SYAP1: variants seen among roughly 807,000 people sequenced by gnomAD.
SYAP1 encodes synapse associated protein 1.
A neutral mutation model predicts 29.6 loss-of-function variants in SYAP1; 3 were observed. The ratio of observed to expected loss-of-function variants is 0.10; its 90% confidence interval spans 0.05 to 0.26. The LOEUF (loss-of-function observed/expected upper bound fraction) is 0.26. SYAP1 is among the 10% of genes least tolerant of loss of function. The pLI is 1.00. For synonymous variants in SYAP1, 102 were observed against 102.7 expected (o/e 0.99, Z 0.04); for missense variants, 217 against 264.1 (o/e 0.82, Z 1.24).
intron 1 of SYAP1, among the ~76,000 whole-genome samples, chrX:16,722,617 T>C (rs958928615): frequency 9.0e-6 from 1 of 111,354 alleles, no homozygotes; most frequent in Non-Finnish European, 1.9e-5. Context: ...CACTAAATAC[T>C]TCCTGGTTCC....
intron 1 of SYAP1, among the ~76,000 whole-genome samples, chrX:16,729,508 CAG>C (rs1213000053): frequency 3.0e-5 from 3 of 99,639 alleles, no homozygotes; most frequent in African/African-American, 1.1e-4. Context: ...TTTTTAGAGA[CAG>C]AGTCTCACTT....
At chrX:16,736,522 G>A (rs1259719920) in intron 3 of SYAP1, 3 of 204,320 alleles carry the variant, frequency 1.5e-5, no homozygotes, top group East Asian at 9.4e-5. Context: ...TTCCCCCACC[G>A]AGATGGAGTC....
At position 16,736,152 on chromosome X, in the gene SYAP1, A is replaced by G. The variant is rs1481209261; in HGVS notation, c.295-14A>G. On this transcript the variant is annotated splice_polypyrimidine_tract_variant and intron_variant, in intron 2 of 8. Transcript: ENST00000380155. The stretch of plus-strand genomic sequence containing the variant: ...ACATTGCTATTTAATTTGACTATGT[A>G]TTTTTTTTAACAGACAATTATAGGA... The G allele has an allele frequency of 1.9e-6, 2 of 1,080,850 alleles. No individual in the cohort carries two copies. The highest frequency in any genetic ancestry group is 2.6e-6 in the Non-Finnish European group (2 of 779,890). The allele number at this position is 1,080,850 out of a possible 1,213,427, so 89.1% of individuals were successfully genotyped here.
At chrX:16,729,956 A>G (rs1413869478) in intron 1 of SYAP1, among the ~76,000 whole-genome samples, 1 of 112,221 alleles carries the variant, frequency 8.9e-6, no homozygotes, top group African/African-American at 3.2e-5. Flanking sequence ...TAATCTAGGC[A>G]AAAATCCACA....
intron 1 of SYAP1, among the ~76,000 whole-genome samples, chrX:16,733,491 G>C (rs1159503858): frequency 9.0e-6 from 1 of 110,965 alleles, no homozygotes; most frequent in African/African-American, 3.3e-5. Context: ...TTCAACAGGT[G>C]TAAGTAAGAG....
intron 4 of SYAP1, 135 bp from the exon 5 acceptor site, chrX:16,743,566 G>GGAGGTTGCAGTGAGCC (rs1260277569): frequency 4.0e-6 from 2 of 498,620 alleles, no homozygotes; most frequent in African/African-American, 5.0e-5. Flanking sequence ...TCCAGGAGGT[G>GGAGGTTGCAGTGAGCC]GAGGTTGCAG....
chrX:16,753,597 T>A (rs114238525), intron 5 of SYAP1, among the ~76,000 whole-genome samples: 1,906 of 110,839 alleles, frequency 0.017, 52 homozygotes, highest in African/African-American at 0.06. Flanking sequence ...ATCCTTTTAG[T>A]GGAAAGTCTA....
At chrX:16,736,511 T>TAC in intron 3 of SYAP1, 1 of 192,484 alleles carries the variant, frequency 5.2e-6, no homozygotes, top group Non-Finnish European at 9.5e-6. Context: ...TCTCTTTTCT[T>TAC]TTCCCCCACC....
intron 3 of SYAP1, among the ~76,000 whole-genome samples, chrX:16,741,437 C>G (rs1926457134): frequency 9.0e-6 from 1 of 110,538 alleles, no homozygotes; most frequent in Admixed American, 9.8e-5. Flanking sequence ...CTCAAGCAAT[C>G]CACCCACCTC....
intron 1 of SYAP1, among the ~76,000 whole-genome samples, chrX:16,723,994 G>A (rs1926026326): frequency 8.9e-6 from 1 of 112,176 alleles, no homozygotes; most frequent in South Asian, 3.6e-4. Context: ...CCAGTGATCA[G>A]AGGCTTAATG....
chrX:16,751,709 G>A (rs1473282238), intron 5 of SYAP1, among the ~76,000 whole-genome samples: 134 of 94,713 alleles, frequency 1.4e-3, no homozygotes, highest in Non-Finnish European at 2.3e-3. Flanking sequence ...ACGGAGTTTC[G>A]CTATTGTTGC....
At chrX:16,730,913 TCAAA>T (rs1396834533) in intron 1 of SYAP1, among the ~76,000 whole-genome samples, 1 of 112,532 alleles carries the variant, frequency 8.9e-6, no homozygotes, top group Non-Finnish European at 1.9e-5. Context: ...ACAAAATAAA[TCAAA>T]CAATGTTTAA....
chrX:16,744,957 A>G (rs1926563799), intron 5 of SYAP1, among the ~76,000 whole-genome samples: 1 of 112,163 alleles, frequency 8.9e-6, no homozygotes, highest in African/African-American at 3.2e-5. Flanking sequence ...ACAGAGTGAG[A>G]CCCTGTCTCA....
chrX:16,734,478 G>T (rs2147421091), intron 1 of SYAP1, among the ~76,000 whole-genome samples: 1 of 110,413 alleles, frequency 9.1e-6, no homozygotes, highest in South Asian at 3.8e-4. Context: ...CATGGGACAT[G>T]TTAATTTGAG....
intron 3 of SYAP1, among the ~76,000 whole-genome samples, chrX:16,738,287 C>T (rs1926372261): frequency 9.0e-6 from 1 of 111,437 alleles, no homozygotes; most frequent in Admixed American, 9.6e-5. Context: ...TGGTGGCACA[C>T]ACCTGTAATC....
rs928390557 is a variant in SYAP1, at chrX:16,762,111, C to T, written c.*1752C>T. On this transcript the variant is annotated 3_prime_UTR_variant, in exon 9 of 9. Coordinates refer to ENST00000380155, the MANE Select transcript of SYAP1 (RefSeq NM_032796.4). ...TGGGTTCCAAGATGACTGGCAACTT[C>T]TGAAATAATCTCATTGAAGGAAAGA... 8.9e-6 allele frequency: 1 copy of T among 111,892 alleles called. No homozygotes were observed. Among genetic ancestry groups the T allele is most frequent in the Non-Finnish European group, 1.9e-5 (1 of 53,253 alleles). 9.2% of individuals were successfully genotyped at this position (111,892 alleles called of 1,213,427 possible). A position where few individuals can be genotyped will look rare whatever the true frequency, so the allele number is the denominator to read the frequency against.
chrX:16,742,213 A>T (rs973741866), intron 4 of SYAP1, among the ~76,000 whole-genome samples: 11 of 90,319 alleles, frequency 1.2e-4, no homozygotes, highest in African/African-American at 4.9e-4. Flanking sequence ...GCGCAGTGGC[A>T]CGATCTCGGC....
At position 16,740,144 on chromosome X, in the gene SYAP1, C is replaced by G. The variant is rs762025380; in HGVS notation, c.362-1572C>G. On this transcript the variant is annotated intron_variant, in intron 3 of 8. Coordinates refer to ENST00000380155, the MANE Select transcript of SYAP1 (RefSeq NM_032796.4). ...TTGGGCTCCTAGGTCACCAGAAAAT[C>G]TTGTAGTTCTCACCTCTCCAGAGGG... Among the ~76,000 whole-genome samples, 29 of 111,073 alleles carry G rather than the reference C, an allele frequency of 2.6e-4. No individual in the cohort carries two copies. The South Asian group carries it at 0.011, about 41-fold the overall frequency.
intron 5 of SYAP1, among the ~76,000 whole-genome samples, chrX:16,745,395 C>T (rs929555474): frequency 1.8e-5 from 2 of 111,796 alleles, no homozygotes; most frequent in African/African-American, 6.5e-5. Flanking sequence ...TGGGCTTCCA[C>T]CCTTGCTGCA....
Sources: gnomAD v4.1 joint callset for allele counts (sites outside exome capture counted in the v4.1 genomes callset) on GRCh38, gnomAD v4.1.1 for gene constraint, MANE v1.5 for transcripts, NCBI Gene and HGNC (gene_info 2026-07-23, HGNC 2026-07-21) for gene names.